Variants in KANK3 observed in about 807,000 individuals in gnomAD.
The protein encoded by KANK3 is KN motif and ankyrin repeat domain-containing protein 3.
In KANK3, 61 loss-of-function variants were observed where a neutral mutation model predicts 65.4. The observed-to-expected ratio is 0.93, with a 90% CI of 0.76 to 1.15. KANK3 has a LOEUF of 1.15. Ranked by LOEUF, KANK3 falls within the 50% of genes most tolerant of loss-of-function variation. The probability of loss-of-function intolerance (pLI) is 0.00; values close to 1 mark genes in which losing one functional copy is unlikely to be tolerated. For missense variants in KANK3, 1,187 were observed against 1,178.8 expected (o/e 1.01, Z -0.10); for synonymous variants, 586 against 543.3 (o/e 1.08, Z -1.09).
chr19:8,325,316 T>A (rs1970408202), intron 7 of KANK3, among the ~76,000 whole-genome samples: 1 of 142,232 alleles, frequency 7.0e-6, no homozygotes, highest in Admixed American at 6.9e-5. Context: ...TTTTTTTTTT[T>A]TTTTTTGAGA....
chr19:8,337,534 C>T (rs893011440), intron 2 of KANK3, among the ~76,000 whole-genome samples: 1 of 151,918 alleles, frequency 6.6e-6, no homozygotes, highest in Non-Finnish European at 1.5e-5. Flanking sequence ...TTAGTAGAGA[C>T]AGGGTTTCAC....
chr19:8,332,816 A>AAAAATAAAATAAAATAAAAT (rs71175837), intron 7 of KANK3, 198 bp downstream of exon 7: 457 of 240,082 alleles, frequency 1.9e-3, no homozygotes, highest in African/African-American at 0.01. Flanking sequence ...ACTCCGTCTC[A>AAAAATAAAATAAAATAAAAT]AAAATAAAAT....
chr19:8,330,814 G>T (rs959243703), intron 7 of KANK3, among the ~76,000 whole-genome samples: 1 of 152,126 alleles, frequency 6.6e-6, no homozygotes, highest in African/African-American at 2.4e-5. Context: ...TGAGACATAA[G>T]AATCACTTGA....
chr19:8,333,660 G>C lies in KANK3; in HGVS notation c.1719+64C>G, dbSNP rs539828579. 2.3e-6 allele frequency: 3 copies of C among 1,299,532 alleles called. No homozygotes were observed. In the East Asian group the frequency reaches 8.1e-5, roughly 35 times the overall value. 80.5% of individuals were successfully genotyped at this position (1,299,532 alleles called of 1,614,324 possible). Reference sequence around the variant, plus strand: ...TGGAACCCGGTGTGCTCCCCTAAGTGGGCGTCAGAGGTCCTTGGAGGCTCC... The same window carrying C: ...TGGAACCCGGTGTGCTCCCCTAAGTCGGCGTCAGAGGTCCTTGGAGGCTCC... On this transcript the variant is annotated intron_variant, in intron 6 of 10. Coordinates refer to ENST00000330915, the MANE Select transcript of KANK3 (RefSeq NM_198471.3). This position sits in a 1 kb window ranked among gnomAD's most constrained non-coding sequence, Gnocchi z 5.0.
chr19:8,325,797 C>A (rs1230326074), intron 7 of KANK3, among the ~76,000 whole-genome samples: 1 of 152,146 alleles, frequency 6.6e-6, no homozygotes, highest in East Asian at 1.9e-4. Context: ...CTCTCTGAAT[C>A]CACTCCAGGT....
intron 7 of KANK3, among the ~76,000 whole-genome samples, chr19:8,327,292 A>C (rs1476244612): frequency 6.6e-6 from 1 of 151,574 alleles, no homozygotes; most frequent in Non-Finnish European, 1.5e-5. Context: ...ACTTGAGGCC[A>C]GGAGTCTGAG....
intron 1 of KANK3, among the ~76,000 whole-genome samples, chr19:8,340,560 ACGGCCCGTC>A (rs1171954531): frequency 2.6e-5 from 4 of 151,954 alleles, no homozygotes; most frequent in Admixed American, 6.6e-5. Flanking sequence ...TCCCTGGGCC[ACGGCCCGTC>A]TGTGCTAACC....
In KANK3 at chr19:8,322,852, G is replaced by A. The variant is rs1396425957; in HGVS notation, c.2453C>T (p.Pro818Leu). ...AGACGAGGCAGCTTACTGAACCTGG[G>A]GGTTCTCTCCATTGTCACCGCATTC... Reference protein sequence around the residue: ...EGECGDNGENPQVQ With the variant: ...EGECGDNGENLQVQ Residue 818 changes from proline to leucine, a missense_variant, in exon 11 of 11, where the codon CCC (proline) becomes CTC (leucine). By Grantham distance (98) the Pro-to-Leu change is moderately conservative. Transcript: ENST00000330915. The A allele has an allele frequency of 1.2e-6, 2 of 1,602,144 alleles. No homozygotes were observed. The highest frequency in any genetic ancestry group is 1.7e-6 in the Non-Finnish European group (2 of 1,174,676).
chr19:8,325,141 G>A (rs1326224086), intron 7 of KANK3, 45 bp from the exon 8 acceptor site: 1 of 1,563,770 alleles, frequency 6.4e-7, no homozygotes, highest in Admixed American at 1.8e-5. Flanking sequence ...CAACACCGCG[G>A]CCCGACTTGA....
Position 8,335,519 on chromosome 19 carries a change from G to A in KANK3, c.308C>T (p.Pro103Leu), listed in dbSNP as rs2145434962. The A allele has an allele frequency of 8.1e-7, 1 of 1,228,748 alleles. No individual in the cohort carries two copies. Among genetic ancestry groups the A allele is most frequent in the Non-Finnish European group, 1.0e-6 (1 of 978,470 alleles). 76.1% of individuals were successfully genotyped at this position (1,228,748 alleles called of 1,614,324 possible). A position where few individuals can be genotyped will look rare whatever the true frequency, so the allele number is the denominator to read the frequency against. The change falls in exon 3 of 11, where the codon CCG becomes CTG. Residue 103 changes from proline to leucine, a missense_variant. Physicochemically the swap from Pro to Leu is moderately conservative, Grantham distance 98. Around this residue, in one of 3 missense-constraint regions of KANK3, gnomAD observed 1,078 missense variants for 1,038.2 expected, o/e 1.04. Coordinates refer to ENST00000330915, the MANE Select transcript of KANK3 (RefSeq NM_198471.3). The part of the protein sequence containing the change: ...ESLASDDGGA[P>L]GILSQGAPSG... Reference sequence around the variant, plus strand: ...GGGCGCGCCCTGGGAGAGTATGCCCGGTGCTCCACCGTCGTCACTGGCCAG... The same window carrying A: ...GGGCGCGCCCTGGGAGAGTATGCCCAGTGCTCCACCGTCGTCACTGGCCAG...
In KANK3 at chr19:8,333,843, C is replaced by G; in HGVS notation, c.1635-35G>C. ...AGGCCAGGAGAGACTCAGGATGGATCGGGGACAGCGCCGACCAGGAGGAGG... is the reference window on the plus strand; with the variant it reads ...AGGCCAGGAGAGACTCAGGATGGATGGGGGACAGCGCCGACCAGGAGGAGG... On this transcript the variant is annotated intron_variant, in intron 5 of 10. Coordinates refer to ENST00000330915, the MANE Select transcript of KANK3 (RefSeq NM_198471.3). The surrounding 1 kb of genome is among the most constrained non-coding windows in gnomAD (Gnocchi z 5.0). The G allele has an allele frequency of 6.5e-7, 1 of 1,547,296 alleles. No individual in the cohort carries two copies. The highest frequency in any genetic ancestry group is 8.7e-7 in the Non-Finnish European group (1 of 1,146,154).
rs1464448457 is a variant in KANK3 at position 8,324,614 on chromosome 19, C to T, written c.2283+16G>A. 1 of 1,613,368 alleles carries T rather than the reference C, an allele frequency of 6.2e-7. No individual in the cohort carries two copies. The highest frequency in any genetic ancestry group is 8.5e-7 in the Non-Finnish European group (1 of 1,179,468). Reference sequence around the variant, plus strand: ...TGGGCACCCCCCAAGATGCCAGCCCCATTGTGGGGTCTTACATTGTCCAGG... The same window carrying T: ...TGGGCACCCCCCAAGATGCCAGCCCTATTGTGGGGTCTTACATTGTCCAGG... On this transcript the variant is annotated intron_variant, in intron 9 of 10. Transcript: ENST00000330915.
At position 8,334,870 on chromosome 19, in the gene KANK3, C is replaced by A; in HGVS notation, c.957G>T (p.Val319=). The A allele has an allele frequency of 6.8e-7, 1 of 1,460,394 alleles. No individual in the cohort carries two copies. Among genetic ancestry groups the A allele is most frequent in the Non-Finnish European group, 9.0e-7 (1 of 1,116,042 alleles). 90.5% of individuals were successfully genotyped at this position (1,460,394 alleles called of 1,614,324 possible). Residue 319 remains valine, a synonymous_variant, in exon 3 of 11, where the codon GTG becomes GTT. Transcript: ENST00000330915. ...PETREAGAQA[V]PETREAGVEA... ...CCACGCCGGCCTCCCGGGTCTCCGG[C>A]ACGGCCTGGGCACCCGCTTCTCGGG...
chr19:8,328,130 T>C (rs1352973210), intron 7 of KANK3, among the ~76,000 whole-genome samples: 1 of 151,944 alleles, frequency 6.6e-6, no homozygotes, highest in African/African-American at 2.4e-5. Context: ...ATACAAAAAT[T>C]AGCCGGGTGT....
rs977316638 is a variant in KANK3, at chr19:8,337,974, C to T, written c.-28-118G>A. On this transcript the variant is annotated intron_variant, in intron 1 of 10. Coordinates refer to ENST00000330915, the MANE Select transcript of KANK3 (RefSeq NM_198471.3). ...CTCTCCTCCACCCAGCCACCTCCCT[C>T]CACACATGGCCTCTCCTTCCTCTTC... 82 of 1,489,518 alleles carry T rather than the reference C, an allele frequency of 5.5e-5. No homozygotes were observed. In the Middle Eastern group the frequency reaches 1.3e-3, roughly 24 times the overall value. 92.3% of individuals were successfully genotyped at this position (1,489,518 alleles called of 1,614,324 possible).
Position 8,335,381 on chromosome 19 carries a change from C to G in KANK3, c.446G>C (p.Arg149Pro). ...RRLELAQTHERAPSPGRGVPR... is the reference protein window; with the variant it reads ...RRLELAQTHEPAPSPGRGVPR... ...GACCCCGCGGCCGGGGCTGGGCGCG[C>G]GCTCGTGTGTCTGCGCCAGCTCCAG... The change falls in exon 3 of 11, where the codon CGC becomes CCC. Residue 149 changes from arginine to proline, a missense_variant. By Grantham distance (103) the Arg-to-Pro change is moderately radical. Around this residue, in one of 3 missense-constraint regions of KANK3, gnomAD observed 1,078 missense variants for 1,038.2 expected, o/e 1.04. Transcript: ENST00000330915. 8.3e-7 allele frequency: 1 copy of G among 1,198,686 alleles called. No individual in the cohort carries two copies. The highest frequency in any genetic ancestry group is 1.0e-6 in the Non-Finnish European group (1 of 966,986). The allele number at this position is 1,198,686 out of a possible 1,614,324, so 74.3% of individuals were successfully genotyped here. A position where few individuals can be genotyped will look rare whatever the true frequency, so the allele number is the denominator to read the frequency against.
rs1472515825 is a variant in KANK3, at chr19:8,334,985, T to C, written c.842A>G (p.Glu281Gly). Reference protein sequence around the residue: ...SPDGLAAGRSEGALQVLDGEV... With the variant: ...SPDGLAAGRSGGALQVLDGEV... ...CCCGTCGAGGACCTGGAGCGCGCCC[T>C]CGCTGCGCCCTGCAGCCAGGCCGTC... Residue 281 changes from glutamate (E) to glycine (G), a missense_variant, in exon 3 of 11, where the codon GAG becomes GGG. Physicochemically the swap from Glu to Gly is moderately conservative, Grantham distance 98. Around this residue, in one of 3 missense-constraint regions of KANK3, gnomAD observed 1,078 missense variants for 1,038.2 expected, o/e 1.04. Transcript: ENST00000330915. 5 of 1,490,128 alleles carry C rather than the reference T, an allele frequency of 3.4e-6. No homozygotes were observed. The Admixed American group carries it at 1.1e-4, about 34-fold the overall frequency. 92.3% of individuals were successfully genotyped at this position (1,490,128 alleles called of 1,614,324 possible).
intron 1 of KANK3, 89 bp from the exon 2 acceptor site, chr19:8,337,945 A>ATTTTTAATGATACGGC: frequency 6.5e-7 from 1 of 1,546,530 alleles, no homozygotes; most frequent in South Asian, 1.2e-5. Flanking sequence ...ACAGGACCCA[A>ATTTTTAATGATACGGC]GAGCTCTCCT....
Position 8,335,148 on chromosome 19 carries a change from C to G in KANK3, c.679G>C (p.Gly227Arg). The G allele has an allele frequency of 3.3e-6, 4 of 1,220,726 alleles. No homozygotes were observed. The highest frequency in any genetic ancestry group is 4.1e-6 in the Non-Finnish European group (4 of 982,022). 75.6% of individuals were successfully genotyped at this position (1,220,726 alleles called of 1,614,324 possible). A position where few individuals can be genotyped will look rare whatever the true frequency, so the allele number is the denominator to read the frequency against. Residue 227 changes from glycine to arginine, a missense_variant, in exon 3 of 11, where the codon GGG becomes CGG. Physicochemically the swap from Gly to Arg is moderately radical, Grantham distance 125. Transcript: ENST00000330915. ...CCGTCCGGCTCGGGCTGCGCGCGCC[C>G]GGCCAGCAGCCGCGCCTTCTCGGCG... ...LRAEKARLLA[G>R]RAQPEPDGEA...
Sources: gnomAD v4.1 joint callset for allele counts (sites outside exome capture counted in the v4.1 genomes callset) on GRCh38, gnomAD v4.1.1 for gene constraint, gnomAD v4.1.1 regional missense constraint, Gnocchi (gnomAD v3.1) non-coding constraint, MANE v1.5 for transcripts, NCBI Gene and HGNC (gene_info 2026-07-23, HGNC 2026-07-21) for gene names.